Variants in PDE4B observed in about 807,000 individuals in gnomAD.
PDE4B encodes phosphodiesterase 4B.
A neutral mutation model predicts 82.2 loss-of-function variants in PDE4B; 20 were observed. The observed-to-expected ratio is 0.24, with a 90% CI of 0.17 to 0.35. The LOEUF is 0.35. PDE4B is among the 10% of genes least tolerant of loss of function. PDE4B has a pLI of 1.00. For synonymous variants in PDE4B, 320 were observed against 318.9 expected, an observed-to-expected ratio of 1.00 and a Z score of -0.04; for missense variants, 655 against 907.2, an observed-to-expected ratio of 0.72 and a Z score of 3.57.
At chr1:65,994,073 A>G (rs758083530) in intron 3 of PDE4B, among the ~76,000 whole-genome samples, 7 of 152,154 alleles carry the variant, frequency 4.6e-5, no homozygotes, top group Non-Finnish European at 1.0e-4. Context: ...CAGGGACCAT[A>G]GCAATATAGG....
At chr1:65,970,166 A>G (rs1650053958) in intron 3 of PDE4B, among the ~76,000 whole-genome samples, 1 of 151,984 alleles carries the variant, frequency 6.6e-6, no homozygotes, top group Non-Finnish European at 1.5e-5. Flanking sequence ...TTAGTGGTTT[A>G]AAATATATTT....
chr1:66,313,969 C>T (rs1027501935), intron 7 of PDE4B, among the ~76,000 whole-genome samples: 1 of 152,152 alleles, frequency 6.6e-6, no homozygotes, highest in African/African-American at 2.4e-5. Flanking sequence ...TCCCCTAACT[C>T]CCTCACATGT....
intron 3 of PDE4B, among the ~76,000 whole-genome samples, chr1:66,012,076 C>T (rs1652516215): frequency 6.6e-6 from 1 of 152,012 alleles, no homozygotes; most frequent in Admixed American, 6.6e-5. Flanking sequence ...TAACTTTTTA[C>T]ACAGGTCCAA....
intron 3 of PDE4B, among the ~76,000 whole-genome samples, chr1:65,929,417 G>A (rs1314666873): frequency 6.6e-6 from 1 of 152,124 alleles, no homozygotes; most frequent in Non-Finnish European, 1.5e-5. Flanking sequence ...CAAGTTGCAG[G>A]GTCCCATTCT....
chr1:66,211,374 T>G (rs1203811389), intron 3 of PDE4B, among the ~76,000 whole-genome samples: 6 of 152,144 alleles, frequency 3.9e-5, no homozygotes, highest in Non-Finnish European at 7.3e-5. Context: ...CTATCCCCAC[T>G]CTCAGCTGAT....
At chr1:66,101,771 A>T (rs1306779226) in intron 3 of PDE4B, among the ~76,000 whole-genome samples, 1 of 151,980 alleles carries the variant, frequency 6.6e-6, no homozygotes, top group East Asian at 1.9e-4. Context: ...ATTTTCTCCC[A>T]TTCTGTAGGT....
In PDE4B at chr1:66,103,665, G is replaced by A. The variant is rs1041181118; in HGVS notation, c.282-143795G>A. Among the ~76,000 whole-genome samples, 11 of 152,064 alleles carry A rather than the reference G, an allele frequency of 7.2e-5. 1 individual carries two copies. The highest frequency in any genetic ancestry group is 5.2e-4 in the Admixed American group (8 of 15,246). Reference sequence around the variant, plus strand: ...CAAATAAATACAAATAGATAAATAAGGTATTTCCATAGCATTCAGTTGGTG... The same window carrying A: ...CAAATAAATACAAATAGATAAATAAAGTATTTCCATAGCATTCAGTTGGTG... On this transcript the variant is annotated intron_variant, in intron 3 of 16. Transcript: ENST00000341517.
intron 1 of PDE4B, among the ~76,000 whole-genome samples, chr1:65,850,015 T>C (rs1646312035): frequency 6.6e-6 from 1 of 151,954 alleles, no homozygotes; most frequent in African/African-American, 2.4e-5. Flanking sequence ...CAAACTGCTT[T>C]CCAAAGCAGT....
At chr1:66,174,755 G>GCAACAACAACAA (rs143629032) in intron 3 of PDE4B, among the ~76,000 whole-genome samples, 41 of 149,200 alleles carry the variant, frequency 2.7e-4, no homozygotes, top group Middle Eastern at 3.5e-3. Flanking sequence ...CTCAAAAAAA[G>GCAACAACAACAA]CAACAACAAC....
At chr1:65,958,762 G>T (rs201744004) in intron 3 of PDE4B, among the ~76,000 whole-genome samples, 1 of 147,950 alleles carries the variant, frequency 6.8e-6, no homozygotes, top group Admixed American at 6.6e-5. Flanking sequence ...GCGCGCGCGC[G>T]CGCACACACA....
At chr1:66,041,972 A>C (rs985423643) in intron 3 of PDE4B, among the ~76,000 whole-genome samples, 7 of 151,914 alleles carry the variant, frequency 4.6e-5, no homozygotes, top group African/African-American at 1.4e-4. Flanking sequence ...TAACTGTTAA[A>C]TAAATGTTTT....
chr1:66,132,699 C>T (rs1258647785), intron 3 of PDE4B, among the ~76,000 whole-genome samples: 1 of 151,984 alleles, frequency 6.6e-6, no homozygotes, highest in African/African-American at 2.4e-5. Context: ...CTCTTTTTTC[C>T]CCATTGTCTT....
intron 3 of PDE4B, among the ~76,000 whole-genome samples, chr1:66,160,935 C>A (rs1266650885): frequency 1.3e-5 from 2 of 152,212 alleles, no homozygotes; most frequent in African/African-American, 2.4e-5. Flanking sequence ...GTGGCACTCT[C>A]AGAACATCAG....
chr1:66,214,612 A>G (rs1421592296), intron 3 of PDE4B, among the ~76,000 whole-genome samples: 1 of 152,148 alleles, frequency 6.6e-6, no homozygotes, highest in Non-Finnish European at 1.5e-5. Context: ...AACTTTATTA[A>G]CAAATTTATT....
intron 1 of PDE4B, among the ~76,000 whole-genome samples, chr1:65,796,052 A>G (rs1027132754): frequency 6.6e-6 from 1 of 152,224 alleles, no homozygotes; most frequent in African/African-American, 2.4e-5. Flanking sequence ...ACTTCATTTC[A>G]GGCCTCCCTG....
intron 3 of PDE4B, among the ~76,000 whole-genome samples, chr1:66,033,127 G>C (rs1653881540): frequency 2.0e-5 from 3 of 152,040 alleles, no homozygotes; most frequent in Non-Finnish European, 4.4e-5. Context: ...ATTAATAACA[G>C]AAAAAAAGAA....
chr1:66,297,360 A>G (rs1456616841), intron 7 of PDE4B, among the ~76,000 whole-genome samples: 1 of 152,142 alleles, frequency 6.6e-6, no homozygotes, highest in African/African-American at 2.4e-5. Flanking sequence ...TTGTGCTACA[A>G]CGAAGGTATT....
chr1:66,290,289 G>C (rs1656973547), intron 7 of PDE4B, among the ~76,000 whole-genome samples: 1 of 152,094 alleles, frequency 6.6e-6, no homozygotes, highest in Non-Finnish European at 1.5e-5. Context: ...GGGAAGATGT[G>C]GGTGTAAGTG....
chr1:65,966,961 C>T (rs937596313), intron 3 of PDE4B, among the ~76,000 whole-genome samples: 3 of 152,260 alleles, frequency 2.0e-5, no homozygotes, highest in Admixed American at 2.0e-4. Context: ...CAATACCATT[C>T]AGGACATAGG....
Sources: allele counts gnomAD v4.1 joint callset (sites outside exome capture counted in the v4.1 genomes callset), GRCh38; gene constraint gnomAD v4.1.1; transcripts MANE v1.5; gene names NCBI Gene and HGNC (gene_info 2026-07-23, HGNC 2026-07-21).